Variants in GPC5 observed in about 807,000 individuals in gnomAD.
GPC5 encodes the protein glypican-5.
A neutral mutation model predicts 53.9 loss-of-function variants in GPC5; 47 were observed. The ratio of observed to expected loss-of-function variants is 0.87; its 90% CI spans 0.69 to 1.11. The LOEUF is 1.11. Ranked by LOEUF, GPC5 falls within the 50% of genes most tolerant of loss-of-function variation. The probability of loss-of-function intolerance (pLI) is 0.00; values close to 1 mark genes in which losing one functional copy is unlikely to be tolerated. For synonymous variants in GPC5, 286 were observed against 263.3 expected, an observed-to-expected ratio of 1.09 and a Z score of -0.84; for missense variants, 748 against 713.1, an observed-to-expected ratio of 1.05 and a Z score of -0.56.
At chr13:92,089,909 T>G (rs1242667653) in intron 6 of GPC5, among the ~76,000 whole-genome samples, 1 of 152,190 alleles carries the variant, frequency 6.6e-6, no homozygotes, top group Admixed American at 6.5e-5. Flanking sequence ...AGACACTATA[T>G]GGTATAAGAA....
intron 7 of GPC5, among the ~76,000 whole-genome samples, chr13:92,753,336 C>T (rs1874679083): frequency 1.3e-5 from 2 of 152,084 alleles, no homozygotes; most frequent in South Asian, 4.1e-4. Flanking sequence ...CTGTACATCA[C>T]CATCATCAAA....
At chr13:91,903,344 G>T (rs1449312231) in intron 5 of GPC5, among the ~76,000 whole-genome samples, 1 of 152,010 alleles carries the variant, frequency 6.6e-6, no homozygotes, top group East Asian at 1.9e-4. Flanking sequence ...TTTGAAAGGT[G>T]CTTCTCTGAG....
intron 1 of GPC5, among the ~76,000 whole-genome samples, chr13:91,416,130 T>C (rs947975401): frequency 5.9e-5 from 9 of 152,132 alleles, no homozygotes; most frequent in Non-Finnish European, 1.0e-4. Context: ...TCCTGAGAAG[T>C]ACCTTGAGGA....
chr13:91,980,454 T>C (rs1202852309), intron 6 of GPC5, among the ~76,000 whole-genome samples: 1 of 152,162 alleles, frequency 6.6e-6, no homozygotes, highest in African/African-American at 2.4e-5. Context: ...AAGTTCAAGA[T>C]AAATTACTTC....
chr13:92,329,348 G>A (rs1289981287), intron 7 of GPC5, among the ~76,000 whole-genome samples: 2 of 152,078 alleles, frequency 1.3e-5, no homozygotes, highest in East Asian at 3.9e-4. Flanking sequence ...GAACAAGAAG[G>A]AGAGAGGATG....
At chr13:91,848,333 T>C (rs918516486) in intron 5 of GPC5, among the ~76,000 whole-genome samples, 9 of 152,246 alleles carry the variant, frequency 5.9e-5, no homozygotes, top group Non-Finnish European at 1.2e-4. Context: ...TAATATTTAT[T>C]GGATGTTCTC....
At chr13:92,024,506 T>C (rs1410736185) in intron 6 of GPC5, among the ~76,000 whole-genome samples, 2 of 152,200 alleles carry the variant, frequency 1.3e-5, no homozygotes, top group African/African-American at 4.8e-5. Flanking sequence ...TGATCTGTAA[T>C]AAACTTTCTT....
At chr13:91,647,563 C>G (rs61249711) in intron 2 of GPC5, among the ~76,000 whole-genome samples, 9,908 of 152,268 alleles carry the variant, frequency 0.065, 1,087 homozygotes, top group African/African-American at 0.23. Context: ...TGTCGGGCAT[C>G]TGTGATGTGG....
At chr13:91,686,327 A>C (rs988237001) in intron 2 of GPC5, among the ~76,000 whole-genome samples, 4 of 152,034 alleles carry the variant, frequency 2.6e-5, no homozygotes, top group African/African-American at 9.7e-5. Flanking sequence ...GCATTTTTCC[A>C]TACAGTGCTT....
chr13:91,471,270 C>T lies in GPC5; in HGVS notation c.325+22348C>T, dbSNP rs143824822. ...AATGCCACTTTGAGTTGCCTCTTTT[C>T]CTGGTGATCATGAACCACCTGCTGT... On this transcript the variant is annotated intron_variant, in intron 2 of 7. Coordinates refer to ENST00000377067, the MANE Select transcript of GPC5 (RefSeq NM_004466.6). Among the ~76,000 whole-genome samples, 893 of 152,086 alleles carry T rather than the reference C, an allele frequency of 5.9e-3. 9 individuals are homozygous for T. Among genetic ancestry groups the T allele is most frequent in the African/African-American group, 0.017 (693 of 41,530 alleles).
intron 7 of GPC5, among the ~76,000 whole-genome samples, chr13:92,292,778 C>A (rs1330988524): frequency 2.0e-5 from 3 of 152,106 alleles, no homozygotes; most frequent in Non-Finnish European, 1.5e-5. Context: ...ATGTTATATT[C>A]TAGAATTTTT....
At position 92,322,261 on chromosome 13, in the gene GPC5, A is replaced by C. The variant is rs554055512; in HGVS notation, c.1561+177272A>C. The stretch of plus-strand genomic sequence containing the variant: ...GATGAGCAAGCAAGTAACCAAGTAG[A>C]TGGTGAATGGGGGAAAAAAAAAAGT... On this transcript the variant is annotated intron_variant, in intron 7 of 7. Coordinates refer to ENST00000377067, the MANE Select transcript of GPC5 (RefSeq NM_004466.6). Among the ~76,000 whole-genome samples, 9 of 143,428 alleles carry C rather than the reference A, an allele frequency of 6.3e-5. No individual in the cohort carries two copies. In the East Asian group the frequency reaches 1.6e-3, roughly 25 times the overall value. The allele number at this position is 143,428 out of a possible 152,430, so 94.1% of individuals were successfully genotyped here. A position where few individuals can be genotyped will look rare whatever the true frequency, so the allele number is the denominator to read the frequency against.
intron 5 of GPC5, among the ~76,000 whole-genome samples, chr13:91,864,693 T>A (rs1473499907): frequency 1.3e-5 from 2 of 152,130 alleles, no homozygotes; most frequent in Admixed American, 6.6e-5. Context: ...AATTAAGGAC[T>A]TGCAAAACTT....
intron 7 of GPC5, among the ~76,000 whole-genome samples, chr13:92,348,216 GT>G (rs961105826): frequency 6.6e-6 from 1 of 151,390 alleles, no homozygotes; most frequent in African/African-American, 2.4e-5. Flanking sequence ...TTTGCTGGCT[GT>G]AAGAGCCTCA....
chr13:92,794,888 C>T (rs901175210), intron 7 of GPC5, among the ~76,000 whole-genome samples: 1 of 151,948 alleles, frequency 6.6e-6, no homozygotes, highest in Non-Finnish European at 1.5e-5. Flanking sequence ...TAAAAAAGGA[C>T]ACAAACAAAT....
intron 5 of GPC5, among the ~76,000 whole-genome samples, chr13:91,809,935 G>T (rs2038283821): frequency 6.6e-6 from 1 of 151,962 alleles, no homozygotes; most frequent in Non-Finnish European, 1.5e-5. Flanking sequence ...TTTAGGGAAG[G>T]TTATGGTGTG....
chr13:91,570,134 C>T (rs371067132), intron 2 of GPC5, among the ~76,000 whole-genome samples: 1 of 152,090 alleles, frequency 6.6e-6, no homozygotes. Flanking sequence ...CTATAAAAGT[C>T]GCCATAAACA....
intron 6 of GPC5, among the ~76,000 whole-genome samples, chr13:92,100,038 G>A (rs1343721954): frequency 3.9e-5 from 6 of 152,104 alleles, no homozygotes; most frequent in Non-Finnish European, 8.8e-5. Flanking sequence ...AAGGAACTCT[G>A]GCATCCTCTA....
intron 7 of GPC5, among the ~76,000 whole-genome samples, chr13:92,197,754 G>A (rs570013214): frequency 4.4e-3 from 659 of 151,134 alleles, no homozygotes; most frequent in Non-Finnish European, 5.5e-3. Context: ...GGGCTTAAGC[G>A]ATCCACCTGC....
Sources: gnomAD v4.1 joint callset for allele counts (sites outside exome capture counted in the v4.1 genomes callset) on GRCh38, gnomAD v4.1.1 for gene constraint, MANE v1.5 for transcripts, NCBI Gene and HGNC (gene_info 2026-07-23, HGNC 2026-07-21) for gene names.